SORCS3: variants seen among roughly 807,000 people sequenced by gnomAD.
SORCS3 encodes the protein sortilin related VPS10 domain containing receptor 3, also known as VPS10 domain-containing receptor SorCS3.
In SORCS3, 57 loss-of-function variants were observed where a neutral mutation model predicts 146.3. The ratio of observed to expected loss-of-function variants is 0.39; its 90% CI spans 0.31 to 0.49. The LOEUF (loss-of-function observed/expected upper bound fraction) is 0.49. SORCS3 is among the 20% of genes least tolerant of loss of function. The pLI is 0.92. For missense variants in SORCS3, 1,341 were observed against 1,575.5 expected, an observed-to-expected ratio of 0.85 and a Z score of 2.52; for synonymous variants, 653 against 618.5, an observed-to-expected ratio of 1.06 and a Z score of -0.83.
chr10:104,979,922 T>C (rs931014028), intron 4 of SORCS3, among the ~76,000 whole-genome samples: 18 of 152,180 alleles, frequency 1.2e-4, no homozygotes, highest in African/African-American at 3.9e-4. Flanking sequence ...CTCTTAAAGC[T>C]TATTTTTATT....
intron 1 of SORCS3, among the ~76,000 whole-genome samples, chr10:104,750,364 A>G (rs1260696433): frequency 6.6e-6 from 1 of 152,238 alleles, no homozygotes; most frequent in Non-Finnish European, 1.5e-5. Flanking sequence ...CTTTGTGGCC[A>G]ATATGGAATG....
At chr10:105,182,891 T>C (rs980415982) in intron 14 of SORCS3, among the ~76,000 whole-genome samples, 3 of 151,930 alleles carry the variant, frequency 2.0e-5, no homozygotes, top group African/African-American at 7.3e-5. Flanking sequence ...TTTATAGAGG[T>C]GGGGTTTTGC....
intron 2 of SORCS3, among the ~76,000 whole-genome samples, chr10:104,846,092 A>G (rs914478875): frequency 3.9e-5 from 6 of 152,180 alleles, no homozygotes; most frequent in African/African-American, 1.4e-4. Context: ...CCAATATCAT[A>G]TATGAGTATA....
chr10:105,038,969 T>C (rs1233306774), intron 4 of SORCS3, among the ~76,000 whole-genome samples: 1 of 152,212 alleles, frequency 6.6e-6, no homozygotes, highest in Non-Finnish European at 1.5e-5. Context: ...TTGCCCACAG[T>C]CTTGCCATTG....
chr10:104,983,550 G>A (rs542566936), intron 4 of SORCS3, among the ~76,000 whole-genome samples: 34 of 152,228 alleles, frequency 2.2e-4, no homozygotes, highest in South Asian at 1.7e-3. Context: ...GGTGGCTCCA[G>A]CCACAGGTGC....
intron 2 of SORCS3, among the ~76,000 whole-genome samples, chr10:104,863,638 C>T (rs970698165): frequency 2.6e-5 from 4 of 152,290 alleles, no homozygotes; most frequent in Admixed American, 6.5e-5. Context: ...TCTCCTTGAT[C>T]TTGAGGTTAG....
At chr10:104,838,696 T>C (rs1402463065) in intron 1 of SORCS3, among the ~76,000 whole-genome samples, 1 of 152,124 alleles carries the variant, frequency 6.6e-6, no homozygotes, top group Non-Finnish European at 1.5e-5. Context: ...TTTGCTAGAT[T>C]AGAATCTCAC....
chr10:105,243,656 G>A (rs1486454878), intron 20 of SORCS3, among the ~76,000 whole-genome samples: 1 of 152,154 alleles, frequency 6.6e-6, no homozygotes, highest in Non-Finnish European at 1.5e-5. Context: ...TTAGTTAAGG[G>A]AAGGAGTATA....
chr10:105,205,043 G>T (rs1350549788), intron 16 of SORCS3, among the ~76,000 whole-genome samples: 1 of 152,156 alleles, frequency 6.6e-6, no homozygotes, highest in Non-Finnish European at 1.5e-5. Context: ...AGTACAGTTA[G>T]TACCAGTGAT....
At position 105,085,849 on chromosome 10, in the gene SORCS3, T is replaced by C. The variant is rs2482978; in HGVS notation, c.1029-3926T>C. On this transcript the variant is annotated intron_variant, in intron 5 of 26. Coordinates refer to ENST00000369701, the MANE Select transcript of SORCS3 (RefSeq NM_014978.3). Reference sequence around the variant, plus strand: ...GTGTGGGAGGGGAGGGTGGTGAATGTGTGTGAAGCTGCACACATGTGCATG... The same window carrying C: ...GTGTGGGAGGGGAGGGTGGTGAATGCGTGTGAAGCTGCACACATGTGCATG... Among the ~76,000 whole-genome samples the C allele has an allele frequency of 2.4e-3, 358 of 152,316 alleles. 4 individuals are homozygous for C. Among genetic ancestry groups the C allele is most frequent in the African/African-American group, 8.4e-3 (351 of 41,560 alleles).
Position 105,211,124 on chromosome 10 carries a change from AT to A in SORCS3, c.2262-9del. Reference sequence around the variant, plus strand: ...ACATATATACTACTATGCAATATTCATTTTCCTGACAGTGACTATGGGTATG... The same window carrying A: ...ACATATATACTACTATGCAATATTCATTTCCTGACAGTGACTATGGGTATG... On this transcript the variant is annotated splice_polypyrimidine_tract_variant and intron_variant, in intron 16 of 26. Transcript: ENST00000369701. 1 of 1,597,560 alleles carries A rather than the reference AT, an allele frequency of 6.3e-7. No homozygotes were observed. The highest frequency in any genetic ancestry group is 8.6e-7 in the Non-Finnish European group (1 of 1,165,026).
At chr10:104,983,597 G>A (rs1564728333) in intron 4 of SORCS3, among the ~76,000 whole-genome samples, 1 of 152,140 alleles carries the variant, frequency 6.6e-6, no homozygotes, top group Non-Finnish European at 1.5e-5. Context: ...AGGTTTCCCT[G>A]TGTACTTTCA....
At chr10:104,741,700 G>T (rs1471085670) in intron 1 of SORCS3, among the ~76,000 whole-genome samples, 18 of 3,256 alleles carry the variant, frequency 5.5e-3, no homozygotes, top group South Asian at 0.022. Flanking sequence ...TCCATTCTGG[G>T]TTTTTTTTTT....
intron 2 of SORCS3, among the ~76,000 whole-genome samples, chr10:104,896,481 A>G (rs2133586885): frequency 6.6e-6 from 1 of 152,352 alleles, no homozygotes; most frequent in Non-Finnish European, 1.5e-5. Context: ...CATAATTTAA[A>G]GTGTGAGTGC....
intron 1 of SORCS3, among the ~76,000 whole-genome samples, chr10:104,759,901 G>A (rs1205487324): frequency 2.0e-5 from 3 of 152,104 alleles, no homozygotes; most frequent in East Asian, 1.9e-4. Context: ...TGGTAAACAC[G>A]CTAGTGGACA....
chr10:105,250,509 A>T (rs1253202976), intron 22 of SORCS3, among the ~76,000 whole-genome samples: 2 of 152,162 alleles, frequency 1.3e-5, no homozygotes, highest in Non-Finnish European at 2.9e-5. Context: ...ATCTGTATAC[A>T]CTGCTCCAAG....
At chr10:105,107,781 A>G (rs2055833172) in intron 7 of SORCS3, among the ~76,000 whole-genome samples, 1 of 152,198 alleles carries the variant, frequency 6.6e-6, no homozygotes, top group African/African-American at 2.4e-5. Flanking sequence ...GTAAACATCC[A>G]TATATACATA....
rs534937167 is a variant in SORCS3 at position 104,732,914 on chromosome 10, G to C, written c.627+90960G>C. ...GCTCAGTCCTCAGGGGAGAAGGAGG[G>C]CCTCTTTCAGGCCCCATTCATGGTC... On this transcript the variant is annotated intron_variant, in intron 1 of 26. Coordinates refer to ENST00000369701, the MANE Select transcript of SORCS3 (RefSeq NM_014978.3). Among the ~76,000 whole-genome samples the C allele has an allele frequency of 1.1e-4, 16 of 152,228 alleles. No homozygotes were observed. In the South Asian group the frequency reaches 3.1e-3, roughly 30 times the overall value.
chr10:105,143,467 T>C (rs1257988919), intron 8 of SORCS3, among the ~76,000 whole-genome samples: 4 of 152,272 alleles, frequency 2.6e-5, no homozygotes, highest in Non-Finnish European at 5.9e-5. Flanking sequence ...CTTAAAGATA[T>C]CCCATTTAAC....
Sources: gnomAD v4.1 joint callset for allele counts (sites outside exome capture counted in the v4.1 genomes callset) on GRCh38, gnomAD v4.1.1 for gene constraint, MANE v1.5 for transcripts, NCBI Gene and HGNC (gene_info 2026-07-23, HGNC 2026-07-21) for gene names.